Variants in DSCAM observed in about 807,000 individuals in gnomAD.
The protein encoded by DSCAM is DS cell adhesion molecule, also known as cell adhesion molecule DSCAM.
DSCAM carries 47 observed loss-of-function variants against 217.7 expected under a neutral mutation model. The ratio of observed to expected loss-of-function variants is 0.22; its 90% confidence interval spans 0.17 to 0.28. The LOEUF (loss-of-function observed/expected upper bound fraction) is 0.28. Among genes scored for constraint, DSCAM ranks in the 10% least tolerant of loss-of-function variants. The probability of loss-of-function intolerance (pLI) is 1.00; values close to 1 mark genes in which losing one functional copy is unlikely to be tolerated. For synonymous variants in DSCAM, 1,056 were observed against 1,015.3 expected (o/e 1.04, Z -0.76); for missense variants, 2,080 against 2,618.3 (o/e 0.79, Z 4.49).
rs116063927 is a variant in DSCAM, at chr21:40,587,243, C to T, written c.508+105567G>A. ...ATCTAATTTGTATCTACCCGTATTTCTGATGAGAACACTAGGGTCATGTCT... is the reference window on the plus strand; with the variant it reads ...ATCTAATTTGTATCTACCCGTATTTTTGATGAGAACACTAGGGTCATGTCT... On this transcript the variant is annotated intron_variant, in intron 3 of 32. Coordinates refer to ENST00000400454, the MANE Select transcript of DSCAM (RefSeq NM_001389.5). Among the ~76,000 whole-genome samples, 722 of 152,216 alleles carry T rather than the reference C, an allele frequency of 4.7e-3. 4 individuals carry two copies. The highest frequency in any genetic ancestry group is 0.015 in the African/African-American group (641 of 41,544).
intron 5 of DSCAM, among the ~76,000 whole-genome samples, chr21:40,349,845 AT>A (rs369818684): frequency 2.0e-3 from 301 of 152,342 alleles, no homozygotes; most frequent in African/African-American, 6.8e-3. Flanking sequence ...AAAACGAAAA[AT>A]AAAGAGAAAT....
chr21:40,672,714 AAT>A (rs995257972), intron 3 of DSCAM, among the ~76,000 whole-genome samples: 4 of 152,082 alleles, frequency 2.6e-5, no homozygotes, highest in Non-Finnish European at 5.9e-5. Flanking sequence ...AACCTTAAAT[AAT>A]AGAGTTTCCA....
Position 40,189,742 on chromosome 21 carries a change from C to T in DSCAM, c.2357-504G>A, listed in dbSNP as rs570477156. Among the ~76,000 whole-genome samples, 257 of 152,292 alleles carry T rather than the reference C, an allele frequency of 1.7e-3. 6 individuals carry two copies. The highest frequency in any genetic ancestry group is 3.4e-3 in the Middle Eastern group (1 of 294). Reference sequence around the variant, plus strand: ...TGCACAAGTGCTCTCTCTTTGCCTGCTGCCAACCATGTAGGATGTGACTTG... The same window carrying T: ...TGCACAAGTGCTCTCTCTTTGCCTGTTGCCAACCATGTAGGATGTGACTTG... On this transcript the variant is annotated intron_variant, in intron 11 of 32. Transcript: ENST00000400454.
At chr21:40,539,925 A>AT (rs1206692844) in intron 3 of DSCAM, among the ~76,000 whole-genome samples, 1 of 152,100 alleles carries the variant, frequency 6.6e-6, no homozygotes, top group Non-Finnish European at 1.5e-5. Context: ...TCACGTTTCT[A>AT]TTTTTTCCTA....
intron 3 of DSCAM, among the ~76,000 whole-genome samples, chr21:40,605,663 T>A (rs2089224934): frequency 2.6e-5 from 4 of 152,128 alleles, no homozygotes; most frequent in Admixed American, 2.6e-4. Context: ...ATTTTGCTGA[T>A]CCCTGCTCTA....
chr21:40,585,888 C>T (rs1030372750), intron 3 of DSCAM, among the ~76,000 whole-genome samples: 18 of 152,290 alleles, frequency 1.2e-4, no homozygotes, highest in African/African-American at 4.1e-4. Context: ...TGGAATTTCA[C>T]TCTTGTCACT....
intron 11 of DSCAM, among the ~76,000 whole-genome samples, chr21:40,211,448 G>C (rs761901634): frequency 5.2e-4 from 79 of 152,192 alleles, no homozygotes; most frequent in Non-Finnish European, 9.7e-4. Flanking sequence ...TTAGTTTTAT[G>C]AGAAACTGCC....
chr21:40,044,003 C>G lies in DSCAM; in HGVS notation c.5383+75G>C, dbSNP rs1252404620. On this transcript the variant is annotated intron_variant, in intron 31 of 32. Coordinates refer to ENST00000400454, the MANE Select transcript of DSCAM (RefSeq NM_001389.5). ...GGGAGGAAGCCCTCTCTCCCCTCCC[C>G]AAGGAGCCCATGAAGCTCAAGGTGC... The G allele has an allele frequency of 2.4e-5, 36 of 1,510,922 alleles. No homozygotes were observed. In the East Asian group the frequency reaches 7.9e-4, roughly 33 times the overall value. 93.6% of individuals were successfully genotyped at this position (1,510,922 alleles called of 1,614,324 possible).
intron 14 of DSCAM, among the ~76,000 whole-genome samples, chr21:40,184,476 G>T (rs1431944482): frequency 6.6e-6 from 1 of 152,034 alleles, no homozygotes; most frequent in African/African-American, 2.4e-5. Context: ...AAAATGACTT[G>T]CTCCAGGGCT....
intron 2 of DSCAM, among the ~76,000 whole-genome samples, chr21:40,695,626 T>G (rs948546937): frequency 1.3e-5 from 2 of 152,056 alleles, no homozygotes; most frequent in African/African-American, 4.8e-5. Flanking sequence ...CTTATTCGAT[T>G]ACTCATTCCA....
At chr21:40,367,737 T>C (rs2074848970) in intron 4 of DSCAM, among the ~76,000 whole-genome samples, 1 of 152,194 alleles carries the variant, frequency 6.6e-6, no homozygotes. Flanking sequence ...TCTTCATCTA[T>C]ACTGTTAGTC....
chr21:40,742,045 A>G (rs1214825008), intron 1 of DSCAM, among the ~76,000 whole-genome samples: 1 of 152,166 alleles, frequency 6.6e-6, no homozygotes, highest in East Asian at 1.9e-4. Flanking sequence ...GCACTGGCCA[A>G]CTTCAATGGG....
chr21:40,021,106 G>A (rs2989340), intron 32 of DSCAM, among the ~76,000 whole-genome samples: 1 of 147,310 alleles, frequency 6.8e-6, no homozygotes, highest in African/African-American at 2.5e-5. Flanking sequence ...GAGACACACA[G>A]AGAGAGAGAG....
intron 3 of DSCAM, among the ~76,000 whole-genome samples, chr21:40,597,802 G>C (rs919268573): frequency 7.9e-5 from 12 of 152,088 alleles, no homozygotes; most frequent in African/African-American, 9.7e-5. Context: ...GTGAGCCACA[G>C]TGCCCGGCCT....
Position 40,350,045 on chromosome 21 carries a change from CTAT to C in DSCAM, c.935-2103_935-2101del, listed in dbSNP as rs541852095. ...TTTAATCCATTCTGGTAATCTTCTC[CTAT>C]TATTATTATTATTATTTATTTCACT... On this transcript the variant is annotated intron_variant, in intron 5 of 32. Coordinates refer to ENST00000400454, the MANE Select transcript of DSCAM (RefSeq NM_001389.5). Among the ~76,000 whole-genome samples, 9 of 151,856 alleles carry C rather than the reference CTAT, an allele frequency of 5.9e-5. No homozygotes were observed. In the South Asian group the frequency reaches 8.3e-4, roughly 14 times the overall value.
chr21:40,311,994 A>G (rs1215148769), intron 9 of DSCAM, 87 bp downstream of exon 9: 10 of 386,204 alleles, frequency 2.6e-5, no homozygotes, highest in Non-Finnish European at 3.7e-5. Flanking sequence ...AGTTCCAGTT[A>G]TTTTCGAAAT....
At chr21:40,427,251 G>A (rs2075483628) in intron 3 of DSCAM, among the ~76,000 whole-genome samples, 1 of 152,134 alleles carries the variant, frequency 6.6e-6, no homozygotes, top group Non-Finnish European at 1.5e-5. Flanking sequence ...ACTGTCCTGG[G>A]CATGAACCCG....
intron 3 of DSCAM, among the ~76,000 whole-genome samples, chr21:40,381,062 C>CAA (rs71186932): frequency 0.5 from 32,637 of 65,656 alleles, 7,789 homozygotes; most frequent in South Asian, 0.59. Flanking sequence ...GACTCCGTCT[C>CAA]AAAAAAAAAA....
chr21:40,225,815 T>C (rs1413161495), intron 11 of DSCAM, among the ~76,000 whole-genome samples: 4 of 152,072 alleles, frequency 2.6e-5, no homozygotes, highest in Admixed American at 2.0e-4. Context: ...GAGAAGAAAG[T>C]AGAGGGCAGA....
Sources: gnomAD v4.1 joint callset for allele counts (sites outside exome capture counted in the v4.1 genomes callset) on GRCh38, gnomAD v4.1.1 for gene constraint, MANE v1.5 for transcripts, NCBI Gene and HGNC (gene_info 2026-07-23, HGNC 2026-07-21) for gene names.